Variants in RALGPS1 observed in about 807,000 individuals in gnomAD.
RALGPS1 encodes the protein Ral GEF with PH domain and SH3 binding motif 1, also known as ras-specific guanine nucleotide-releasing factor RalGPS1.
RALGPS1 carries 19 observed loss-of-function variants against 78.8 expected under a neutral mutation model. The ratio of observed to expected loss-of-function variants is 0.24; its 90% confidence interval spans 0.17 to 0.35. RALGPS1 has a LOEUF of 0.35. RALGPS1 is among the 10% of genes least tolerant of loss of function. RALGPS1 has a pLI of 1.00. For missense variants in RALGPS1, 454 were observed against 688.3 expected (o/e 0.66, Z 3.81); for synonymous variants, 228 against 256.3 (o/e 0.89, Z 1.06).
At chr9:126,963,014 G>A (rs1012371565) in intron 2 of RALGPS1, among the ~76,000 whole-genome samples, 1 of 152,214 alleles carries the variant, frequency 6.6e-6, no homozygotes, top group African/African-American at 2.4e-5. Flanking sequence ...AAAAGTCACA[G>A]GAATCAGTTA....
At chr9:126,933,823 G>T (rs571036279) in intron 1 of RALGPS1, among the ~76,000 whole-genome samples, 1 of 152,070 alleles carries the variant, frequency 6.6e-6, no homozygotes, top group Admixed American at 6.5e-5. Flanking sequence ...CTGCAGGGGG[G>T]GTGTGCCACA....
intron 8 of RALGPS1, among the ~76,000 whole-genome samples, chr9:127,149,271 G>A (rs759946835): frequency 5.9e-5 from 9 of 152,236 alleles, no homozygotes; most frequent in Non-Finnish European, 1.3e-4. Flanking sequence ...TCATCCACTG[G>A]TTGACACTGG....
At chr9:127,128,694 C>T (rs561607831) in intron 8 of RALGPS1, among the ~76,000 whole-genome samples, 3 of 152,310 alleles carry the variant, frequency 2.0e-5, no homozygotes, top group African/African-American at 4.8e-5. Flanking sequence ...CTTGAAGGCG[C>T]GTGGTCAGGT....
At chr9:127,163,202 C>T (rs1170080210) in intron 8 of RALGPS1, among the ~76,000 whole-genome samples, 1 of 152,180 alleles carries the variant, frequency 6.6e-6, no homozygotes, top group African/African-American at 2.4e-5. Context: ...TCACTCCCTG[C>T]CATGCACTAG....
intron 11 of RALGPS1, among the ~76,000 whole-genome samples, chr9:127,176,411 G>A (rs778162353): frequency 2.6e-5 from 4 of 152,176 alleles, no homozygotes; most frequent in Non-Finnish European, 5.9e-5. Flanking sequence ...ACCTGTGGGG[G>A]ACGAGGAGGG....
chr9:127,202,265 G>A (rs1287213254), intron 14 of RALGPS1, among the ~76,000 whole-genome samples: 1 of 152,236 alleles, frequency 6.6e-6, no homozygotes, highest in Non-Finnish European at 1.5e-5. Flanking sequence ...CAGGCAGGCA[G>A]GAGTTTCTAT....
chr9:127,184,153 C>G, intron 11 of RALGPS1: 1 of 1,090,190 alleles, frequency 9.2e-7, no homozygotes, highest in Non-Finnish European at 1.3e-6. Context: ...TGGCAAAACC[C>G]CATCTCTACA....
chr9:127,093,970 C>A, intron 8 of RALGPS1: 4 of 1,584,834 alleles, frequency 2.5e-6, no homozygotes, highest in Non-Finnish European at 3.4e-6. Flanking sequence ...CTGCCTGTCA[C>A]CAGGCCGCAC....
At chr9:126,935,805 G>A (rs2036202393) in intron 1 of RALGPS1, among the ~76,000 whole-genome samples, 1 of 152,222 alleles carries the variant, frequency 6.6e-6, no homozygotes, top group South Asian at 2.1e-4. Flanking sequence ...CAGCAAGGAA[G>A]TGGCAGAGTT....
intron 3 of RALGPS1, 137 bp downstream of exon 3, chr9:126,966,088 C>A: frequency 1.5e-6 from 1 of 649,240 alleles, no homozygotes; most frequent in East Asian, 2.7e-5. Context: ...AAGTCCGTAC[C>A]ACCCTTTGTG....
At chr9:127,190,391 T>C (rs977131868) in intron 11 of RALGPS1, among the ~76,000 whole-genome samples, 2 of 152,212 alleles carry the variant, frequency 1.3e-5, no homozygotes, top group Non-Finnish European at 2.9e-5. Context: ...TGGCATGATA[T>C]CAGCTTACTG....
In RALGPS1 at chr9:127,221,966, G is replaced by A. The variant is rs1364221745; in HGVS notation, c.*3197G>A. 6.6e-6 allele frequency: 1 copy of A among 152,162 alleles called. No homozygotes were observed. Among genetic ancestry groups the A allele is most frequent in the Non-Finnish European group, 1.5e-5 (1 of 68,042 alleles). The allele number at this position is 152,162 out of a possible 1,614,324, so 9.4% of individuals were successfully genotyped here. A position where few individuals can be genotyped will look rare whatever the true frequency, so the allele number is the denominator to read the frequency against. On this transcript the variant is annotated 3_prime_UTR_variant, in exon 19 of 19. Coordinates refer to ENST00000259351, the MANE Select transcript of RALGPS1 (RefSeq NM_014636.3). Reference sequence around the variant, plus strand: ...TGCCAAAAATACAGCTTTCTGGTTTGTGAGCCCATAAATGACTTAAATCAG... The same window carrying A: ...TGCCAAAAATACAGCTTTCTGGTTTATGAGCCCATAAATGACTTAAATCAG...
chr9:127,067,203 C>G (rs965347896), intron 7 of RALGPS1, among the ~76,000 whole-genome samples: 2 of 152,152 alleles, frequency 1.3e-5, no homozygotes, highest in Admixed American at 1.3e-4. Context: ...TTTTCCCTGT[C>G]CATTTTAGCA....
chr9:127,006,777 A>C (rs2043872599), intron 4 of RALGPS1, among the ~76,000 whole-genome samples: 1 of 152,140 alleles, frequency 6.6e-6, no homozygotes, highest in Non-Finnish European at 1.5e-5. Context: ...GTCTGGCTCT[A>C]GGGTCCACAT....
chr9:126,945,867 G>C (rs1197514572), intron 1 of RALGPS1, among the ~76,000 whole-genome samples: 1 of 152,184 alleles, frequency 6.6e-6, no homozygotes, highest in East Asian at 1.9e-4. Context: ...ATCAGTCAGG[G>C]TATTTCTTCA....
rs1564623455 is a variant in RALGPS1, at chr9:127,122,960, C to A, written c.611-43109C>A. ...CTCCCCAAAGCTCAGGCAGCTCCCGCGTGCTGCGAGGCGGAGCGCTTCCCC... is the reference window on the plus strand; with the variant it reads ...CTCCCCAAAGCTCAGGCAGCTCCCGAGTGCTGCGAGGCGGAGCGCTTCCCC... On this transcript the variant is annotated intron_variant, in intron 8 of 18. Coordinates refer to ENST00000259351, the MANE Select transcript of RALGPS1 (RefSeq NM_014636.3). This position sits in a 1 kb window ranked among gnomAD's most constrained non-coding sequence, Gnocchi z 6.4. The A allele has an allele frequency of 6.6e-6, 1 of 152,432 alleles. No individual in the cohort carries two copies. The highest frequency in any genetic ancestry group is 2.4e-5 in the African/African-American group (1 of 41,470). The allele number at this position is 152,432 out of a possible 1,614,324, so 9.4% of individuals were successfully genotyped here. A position where few individuals can be genotyped will look rare whatever the true frequency, so the allele number is the denominator to read the frequency against.
intron 8 of RALGPS1, among the ~76,000 whole-genome samples, chr9:127,073,905 C>T (rs2050444696): frequency 6.6e-6 from 1 of 152,002 alleles, no homozygotes; most frequent in African/African-American, 2.4e-5. Context: ...TTTTGAGACT[C>T]AGTTTCACCC....
intron 7 of RALGPS1, among the ~76,000 whole-genome samples, chr9:127,056,422 T>C (rs2135500852): frequency 6.6e-6 from 1 of 152,270 alleles, no homozygotes; most frequent in East Asian, 1.9e-4. Context: ...CCAAGGTCAC[T>C]TGTGGGGTAG....
rs200532065 is a variant in RALGPS1, at chr9:127,168,761, C to T, written c.831C>T (p.Asp277=). 8.5e-5 allele frequency: 137 copies of T among 1,608,690 alleles called. No homozygotes were observed. The highest frequency in any genetic ancestry group is 2.2e-4 in the Admixed American group (13 of 60,010). The change falls in exon 10 of 19, where the codon GAC becomes GAT. Residue 277 remains aspartate (D), a synonymous_variant. Transcript: ENST00000259351. ...AAGAGCTCCAGAAGTTTGTGGAAGA[C>T]GACAACTACAAGTAAGTCCCCACGT... is the stretch of plus-strand genomic sequence containing the variant. ...YIEELQKFVE[D]DNYKLSLRIE...
Sources: gnomAD v4.1 joint callset for allele counts (sites outside exome capture counted in the v4.1 genomes callset) on GRCh38, gnomAD v4.1.1 for gene constraint, Gnocchi (gnomAD v3.1) non-coding constraint, MANE v1.5 for transcripts, NCBI Gene and HGNC (gene_info 2026-07-23, HGNC 2026-07-21) for gene names.